ITPR1: variants seen among roughly 807,000 people sequenced by gnomAD.
ITPR1 encodes inositol 1,4,5-trisphosphate receptor type 1, also known as inositol 1,4,5-trisphosphate-gated calcium channel ITPR1.
Under a neutral mutation model 318.4 loss-of-function variants are expected in ITPR1, and 96 were observed. The ratio of observed to expected loss-of-function variants is 0.30; its 90% CI spans 0.26 to 0.36. The LOEUF is 0.36. Ranked by LOEUF, ITPR1 falls within the 10% of genes least tolerant of loss-of-function variation. The pLI, the probability that ITPR1 is intolerant of heterozygous loss-of-function variation, is 1.00. For synonymous variants in ITPR1, 1,312 were observed against 1,289.9 expected (o/e 1.02, Z -0.37); for missense variants, 2,440 against 3,460.2 (o/e 0.71, Z 7.40).
chr3:4,813,280 C>A, intron 57 of ITPR1, 46 bp downstream of exon 57: 1 of 1,353,396 alleles, frequency 7.4e-7, no homozygotes, highest in Non-Finnish European at 1.0e-6. Context: ...CGGACTCCTC[C>A]AGAGGCTTAG....
At chr3:4,769,938 C>T (rs564113524) in intron 46 of ITPR1, among the ~76,000 whole-genome samples, 28 of 152,202 alleles carry the variant, frequency 1.8e-4, no homozygotes, top group South Asian at 4.1e-4. Flanking sequence ...GCACTGGGTC[C>T]CTGGCTTTTG....
At chr3:4,673,928 A>G (rs1057210807) in intron 21 of ITPR1, among the ~76,000 whole-genome samples, 4 of 152,310 alleles carry the variant, frequency 2.6e-5, no homozygotes, top group African/African-American at 4.8e-5. Flanking sequence ...TCATTCTGCA[A>G]ATATTTAAGT....
intron 2 of ITPR1, among the ~76,000 whole-genome samples, chr3:4,505,043 G>T (rs897702212): frequency 6.6e-6 from 1 of 151,472 alleles, no homozygotes; most frequent in Non-Finnish European, 1.5e-5. Flanking sequence ...GGTGCTGCTT[G>T]ACCTAAAAAG....
chr3:4,785,033 G>C (rs535215682), intron 51 of ITPR1, among the ~76,000 whole-genome samples: 1 of 152,184 alleles, frequency 6.6e-6, no homozygotes, highest in Non-Finnish European at 1.5e-5. Flanking sequence ...AAGAAGACAA[G>C]CTGAAGCCAC....
At chr3:4,670,679 C>G in intron 19 of ITPR1, 50 bp from the exon 20 acceptor site, 1 of 1,315,308 alleles carries the variant, frequency 7.6e-7, no homozygotes, top group Middle Eastern at 2.1e-4. Context: ...AGCTAGATCT[C>G]AAAGTATTTT....
chr3:4,780,714 A>G (rs2046772316), intron 49 of ITPR1, among the ~76,000 whole-genome samples: 1 of 152,232 alleles, frequency 6.6e-6, no homozygotes, highest in South Asian at 2.1e-4. Flanking sequence ...GTAAGTTCTC[A>G]GCCCGAGATG....
intron 35 of ITPR1, among the ~76,000 whole-genome samples, chr3:4,701,446 A>G (rs1054935213): frequency 3.3e-5 from 5 of 152,210 alleles, no homozygotes; most frequent in African/African-American, 1.2e-4. Flanking sequence ...CTCAGGGACT[A>G]AATCCTAGGT....
At chr3:4,756,260 C>T (rs1298239166) in intron 44 of ITPR1, among the ~76,000 whole-genome samples, 7 of 152,242 alleles carry the variant, frequency 4.6e-5, no homozygotes, top group East Asian at 1.9e-4. Flanking sequence ...GCGGAAGCAA[C>T]GATGTTTATC....
intron 10 of ITPR1, 116 bp from the exon 11 acceptor site, chr3:4,652,006 AT>A (rs1182898636): frequency 1.2e-6 from 1 of 800,682 alleles, no homozygotes; most frequent in Non-Finnish European, 2.1e-6. Context: ...GAAGATGCTG[AT>A]TTTCTTTTTC....
intron 57 of ITPR1, among the ~76,000 whole-genome samples, chr3:4,813,979 G>C (rs895316929): frequency 1.3e-5 from 2 of 152,182 alleles, no homozygotes; most frequent in African/African-American, 4.8e-5. Flanking sequence ...TAAAGCAGTT[G>C]ATCCAGAGGC....
intron 4 of ITPR1, among the ~76,000 whole-genome samples, chr3:4,576,901 G>A (rs745364477): frequency 6.6e-6 from 1 of 152,122 alleles, no homozygotes; most frequent in Non-Finnish European, 1.5e-5. Flanking sequence ...TTTCCTGAAG[G>A]GTCATAAACA....
intron 46 of ITPR1, among the ~76,000 whole-genome samples, chr3:4,772,757 A>C (rs964797920): frequency 6.6e-6 from 1 of 152,154 alleles, no homozygotes; most frequent in Non-Finnish European, 1.5e-5. Context: ...CTTCTCTAAG[A>C]AGGAGTTCCC....
At chr3:4,703,086 C>G in intron 36 of ITPR1, 136 bp downstream of exon 36, 1 of 943,672 alleles carries the variant, frequency 1.1e-6, no homozygotes. Flanking sequence ...AGACCCGGAA[C>G]CAAGGTCTTC....
chr3:4,706,445 T>A, intron 37 of ITPR1, 94 bp downstream of exon 37: 1 of 1,140,574 alleles, frequency 8.8e-7, no homozygotes, highest in Non-Finnish European at 1.2e-6. Flanking sequence ...GCATCTAAGC[T>A]GGGCCGTGGG....
At chr3:4,701,141 T>C (rs9846046) in intron 35 of ITPR1, among the ~76,000 whole-genome samples, 77,688 of 151,944 alleles carry the variant, frequency 0.51, 20,630 homozygotes, top group Non-Finnish European at 0.56. Context: ...TTTTGTACAC[T>C]GAGGTGTCAA....
chr3:4,722,806 CT>C (rs2042256422), intron 40 of ITPR1, among the ~76,000 whole-genome samples: 1 of 152,082 alleles, frequency 6.6e-6, no homozygotes, highest in African/African-American at 2.4e-5. Flanking sequence ...ATGAAATTTA[CT>C]GAAAATAAAC....
At position 4,710,899 on chromosome 3, in the gene ITPR1, G is replaced by A. The variant is rs1032498632; in HGVS notation, c.4991+426G>A. On this transcript the variant is annotated intron_variant, in intron 38 of 61. Transcript: ENST00000649015. The surrounding 1 kb of genome is among the most constrained non-coding windows in gnomAD (Gnocchi z 4.2). ...TCTGTAAGCAACAAGCAGACCCATGGTTAGAAATCTCCATTAGATTTTTGC... is the reference window on the plus strand; with the variant it reads ...TCTGTAAGCAACAAGCAGACCCATGATTAGAAATCTCCATTAGATTTTTGC... Among the ~76,000 whole-genome samples the A allele has an allele frequency of 6.6e-6, 1 of 152,082 alleles. No homozygotes were observed. The highest frequency in any genetic ancestry group is 2.4e-5 in the African/African-American group (1 of 41,410).
intron 44 of ITPR1, among the ~76,000 whole-genome samples, chr3:4,761,761 C>A (rs1053270479): frequency 1.3e-5 from 2 of 152,148 alleles, no homozygotes; most frequent in East Asian, 1.9e-4. Flanking sequence ...GAGCCTGGGG[C>A]GGGGAGGCTG....
intron 39 of ITPR1, among the ~76,000 whole-genome samples, chr3:4,713,925 A>G (rs2041570125): frequency 6.6e-6 from 1 of 152,152 alleles, no homozygotes; most frequent in Non-Finnish European, 1.5e-5. Flanking sequence ...CTAGAAACCC[A>G]TGTTAGCCAC....
Sources: gnomAD v4.1 joint callset for allele counts (sites outside exome capture counted in the v4.1 genomes callset) on GRCh38, gnomAD v4.1.1 for gene constraint, Gnocchi (gnomAD v3.1) non-coding constraint, MANE v1.5 for transcripts, NCBI Gene and HGNC (gene_info 2026-07-23, HGNC 2026-07-21) for gene names.